Variants in SND1 observed in about 807,000 individuals in gnomAD.
The protein encoded by SND1 is staphylococcal nuclease domain-containing protein 1.
Under a neutral mutation model 121.7 loss-of-function variants are expected in SND1, and 38 were observed. The observed-to-expected ratio is 0.31, with a 90% confidence interval of 0.24 to 0.41. SND1 has a LOEUF of 0.41. Ranked by LOEUF, SND1 falls within the 10% of genes least tolerant of loss-of-function variation. SND1 has a pLI of 1.00. For missense variants in SND1, 868 were observed against 1,184.6 expected (o/e 0.73, Z 3.92); for synonymous variants, 401 against 447.4 (o/e 0.90, Z 1.31).
rs570439393 is a variant in SND1 at position 128,061,950 on chromosome 7, C to T, written c.1780-12552C>T. Among the ~76,000 whole-genome samples, 8 of 152,370 alleles carry T rather than the reference C, an allele frequency of 5.3e-5. No individual in the cohort carries two copies. The East Asian group carries it at 1.3e-3, about 26-fold the overall frequency. On this transcript the variant is annotated intron_variant, in intron 16 of 23. Coordinates refer to ENST00000354725, the MANE Select transcript of SND1 (RefSeq NM_014390.4). ...GCTGCAGGAGCTCAGAGCCCAGGCTCAGGGGCTCAGCGTCATCTCAAAGGC... is the reference window on the plus strand; with the variant it reads ...GCTGCAGGAGCTCAGAGCCCAGGCTTAGGGGCTCAGCGTCATCTCAAAGGC...
chr7:127,996,252 TTTATG>T (rs1169000853), intron 16 of SND1, among the ~76,000 whole-genome samples: 37 of 152,128 alleles, frequency 2.4e-4, no homozygotes, highest in Non-Finnish European at 3.8e-4. Flanking sequence ...TTGGTGTGTA[TTTATG>T]AAGGGGTGTA....
At chr7:127,918,397 G>A (rs1364029085) in intron 14 of SND1, among the ~76,000 whole-genome samples, 1 of 151,762 alleles carries the variant, frequency 6.6e-6, no homozygotes. Flanking sequence ...AAAACCTTAG[G>A]CATATTTTTC....
intron 11 of SND1, among the ~76,000 whole-genome samples, chr7:127,838,121 A>G (rs993328558): frequency 6.6e-6 from 1 of 152,214 alleles, no homozygotes; most frequent in Admixed American, 6.5e-5. Flanking sequence ...CTTACAGAAC[A>G]GGTGACTCAA....
chr7:127,941,192 A>G (rs1246024092), intron 15 of SND1, among the ~76,000 whole-genome samples: 1 of 152,036 alleles, frequency 6.6e-6, no homozygotes, highest in Non-Finnish European at 1.5e-5. Context: ...CTTAATCTAG[A>G]CCTTGTAAGT....
intron 16 of SND1, among the ~76,000 whole-genome samples, chr7:128,005,296 A>C (rs1282824427): frequency 2.6e-5 from 4 of 152,204 alleles, no homozygotes; most frequent in Non-Finnish European, 2.9e-5. Context: ...AGGTGTGAGA[A>C]AGGGCTCTTC....
At chr7:127,882,815 G>T (rs1388950673) in intron 12 of SND1, among the ~76,000 whole-genome samples, 1 of 152,136 alleles carries the variant, frequency 6.6e-6, no homozygotes, top group Non-Finnish European at 1.5e-5. Flanking sequence ...ACATTATGCT[G>T]CTTTAGACAA....
chr7:127,819,739 T>A (rs1584596724), intron 11 of SND1, among the ~76,000 whole-genome samples: 1 of 152,214 alleles, frequency 6.6e-6, no homozygotes, highest in African/African-American at 2.4e-5. Flanking sequence ...TTTGAAGATT[T>A]GTTGCCCGGT....
intron 10 of SND1, among the ~76,000 whole-genome samples, chr7:127,738,452 G>A (rs1796820030): frequency 6.6e-6 from 1 of 151,622 alleles, no homozygotes; most frequent in South Asian, 2.1e-4. Context: ...CTAATTTTTT[G>A]CATTTTTAGT....
Position 128,012,303 on chromosome 7 carries a change from A to G in SND1, c.1779+21247A>G, listed in dbSNP as rs574844019. ...ACAATATTGTCTCTTCCACTGGATG[A>G]ACTCACTGTAACCGCCCTGAGAGCT... is the stretch of plus-strand genomic sequence containing the variant. On this transcript the variant is annotated intron_variant, in intron 16 of 23. Transcript: ENST00000354725. Among the ~76,000 whole-genome samples the G allele has an allele frequency of 2.6e-5, 4 of 152,268 alleles. No homozygotes were observed. In the South Asian group the frequency reaches 8.3e-4, roughly 32 times the overall value.
intron 14 of SND1, among the ~76,000 whole-genome samples, chr7:127,907,385 T>C (rs914927588): frequency 2.0e-5 from 3 of 152,234 alleles, no homozygotes; most frequent in African/African-American, 7.2e-5. Flanking sequence ...GGCAGACGGC[T>C]TACAGCCAGA....
intron 15 of SND1, among the ~76,000 whole-genome samples, chr7:127,940,852 G>A (rs932850399): frequency 6.6e-6 from 1 of 152,196 alleles, no homozygotes; most frequent in African/African-American, 2.4e-5. Flanking sequence ...TGTCCAATGT[G>A]GGCAGCATGT....
chr7:127,833,681 TGAGAGA>T (rs149925222), intron 11 of SND1, among the ~76,000 whole-genome samples: 1 of 149,242 alleles, frequency 6.7e-6, no homozygotes, highest in African/African-American at 2.5e-5. Context: ...CCTGGGGGGT[TGAGAGA>T]GAGAGAGAGA....
At chr7:128,030,375 A>G (rs1409450641) in intron 16 of SND1, 1 of 1,613,986 alleles carries the variant, frequency 6.2e-7, no homozygotes, top group Admixed American at 1.7e-5. Context: ...GGCCTGGATC[A>G]TCTGGATGTT....
At position 127,842,353 on chromosome 7, in the gene SND1, A is replaced by G. The variant is rs74691267; in HGVS notation, c.1243-1971A>G. Among the ~76,000 whole-genome samples the G allele has an allele frequency of 3.4e-3, 514 of 152,300 alleles. 2 individuals are homozygous for G. The highest frequency in any genetic ancestry group is 4.2e-3 in the Non-Finnish European group (284 of 68,032). On this transcript the variant is annotated intron_variant, in intron 11 of 23. Transcript: ENST00000354725. The stretch of plus-strand genomic sequence containing the variant: ...ACTTCATTCTGTGAAGACTTGCCCT[A>G]TATGTTTGCTACAGGATACTATGTT...
intron 16 of SND1, chr7:128,026,955 TC>T (rs897268900): frequency 1.6e-4 from 24 of 152,216 alleles, no homozygotes; most frequent in African/African-American, 5.5e-4. Flanking sequence ...CATTTGTCTT[TC>T]CCCCATCATA....
At chr7:128,064,530 G>A (rs1047300808) in intron 16 of SND1, among the ~76,000 whole-genome samples, 5 of 152,178 alleles carry the variant, frequency 3.3e-5, no homozygotes, top group African/African-American at 7.2e-5. Context: ...CTCATGCTGC[G>A]GCCTGGGATG....
intron 16 of SND1, among the ~76,000 whole-genome samples, chr7:128,033,937 T>G (rs1792700108): frequency 1.3e-5 from 2 of 152,218 alleles, no homozygotes; most frequent in African/African-American, 4.8e-5. Context: ...CTATGTACTA[T>G]CCACCATACC....
intron 1 of SND1, among the ~76,000 whole-genome samples, chr7:127,657,345 G>T (rs1384722930): frequency 6.6e-6 from 1 of 152,188 alleles, no homozygotes; most frequent in Non-Finnish European, 1.5e-5. Context: ...GGGTCCTTTG[G>T]ATACTGTGTT....
At chr7:127,957,346 T>G (rs1015107124) in intron 15 of SND1, among the ~76,000 whole-genome samples, 5 of 152,210 alleles carry the variant, frequency 3.3e-5, no homozygotes, top group African/African-American at 1.2e-4. Context: ...CCTGGCCCTG[T>G]GTACGCTATA....
Sources: allele counts gnomAD v4.1 joint callset (sites outside exome capture counted in the v4.1 genomes callset), GRCh38; gene constraint gnomAD v4.1.1; transcripts MANE v1.5; gene names NCBI Gene and HGNC (gene_info 2026-07-23, HGNC 2026-07-21).